SENP7: variants seen among roughly 807,000 people sequenced by gnomAD.
The protein encoded by SENP7 is SUMO specific peptidase 7.
SENP7 carries 64 observed loss-of-function variants against 141.2 expected under a neutral mutation model. The observed-to-expected ratio is 0.45, with a 90% CI of 0.37 to 0.56. SENP7 has a LOEUF of 0.56. Among genes scored for constraint, SENP7 ranks in the 20% least tolerant of loss-of-function variants. The pLI, the probability that SENP7 is intolerant of heterozygous loss-of-function variation, is 0.00. For missense variants in SENP7, 1,025 were observed against 1,212.2 expected, an observed-to-expected ratio of 0.85 and a Z score of 2.29; for synonymous variants, 382 against 426.4, an observed-to-expected ratio of 0.90 and a Z score of 1.28.
At position 101,361,723 on chromosome 3, in the gene SENP7, A is replaced by G; in HGVS notation, c.1615T>C (p.Cys539Arg). 1 of 1,568,502 alleles carries G rather than the reference A, an allele frequency of 6.4e-7. No individual in the cohort carries two copies. The highest frequency in any genetic ancestry group is 8.6e-7 in the Non-Finnish European group (1 of 1,164,944). ...AAAGAAAATATACTTACTGTAACAC[A>G]ACCTTTAGAAGCTCCTTTTATTTTA... is the stretch of plus-strand genomic sequence containing the variant. ...IGKIKGASKGCVTITKKYIKI... is the reference protein window; with the variant it reads ...IGKIKGASKGRVTITKKYIKI... Residue 539 changes from cysteine to arginine, a missense_variant, in exon 11 of 24, where the codon TGT becomes CGT. Cys to Arg is a radical substitution (Grantham distance 180, BLOSUM62 -3). This residue lies in a region of SENP7 where 228 missense variants were observed against 228.5 expected (regional missense o/e 1.00). Coordinates refer to ENST00000394095, the MANE Select transcript of SENP7 (RefSeq NM_020654.5).
chr3:101,511,769 G>A (rs989854626), intron 1 of SENP7, among the ~76,000 whole-genome samples: 2 of 152,156 alleles, frequency 1.3e-5, no homozygotes, highest in Admixed American at 1.3e-4. Context: ...GAGATGCACT[G>A]CCACAGGGCA....
At chr3:101,342,128 A>C (rs922002577) in intron 14 of SENP7, among the ~76,000 whole-genome samples, 1 of 152,214 alleles carries the variant, frequency 6.6e-6, no homozygotes, top group African/African-American at 2.4e-5. Context: ...AATTCCACTA[A>C]ATGGAAAATA....
At chr3:101,475,345 C>A (rs1168108592) in intron 3 of SENP7, among the ~76,000 whole-genome samples, 1 of 152,176 alleles carries the variant, frequency 6.6e-6, no homozygotes, top group Non-Finnish European at 1.5e-5. Context: ...AAATGTGGTA[C>A]ATGTACATCA....
intron 3 of SENP7, among the ~76,000 whole-genome samples, chr3:101,484,426 A>G (rs2064636379): frequency 6.6e-6 from 1 of 152,158 alleles, no homozygotes; most frequent in Non-Finnish European, 1.5e-5. Context: ...AGCTTGCAGA[A>G]GCTCTCATTG....
At chr3:101,386,796 AG>A (rs997457059) in intron 6 of SENP7, among the ~76,000 whole-genome samples, 5 of 152,238 alleles carry the variant, frequency 3.3e-5, no homozygotes, top group African/African-American at 1.2e-4. Context: ...AGCTCCCTCC[AG>A]GGGCAGAGCT....
At chr3:101,424,124 T>A (rs2061875622) in intron 4 of SENP7, among the ~76,000 whole-genome samples, 1 of 152,086 alleles carries the variant, frequency 6.6e-6, no homozygotes, top group East Asian at 1.9e-4. Flanking sequence ...CCATCCTTGG[T>A]CTGTGGCCAC....
chr3:101,410,324 T>A (rs2061418340), intron 5 of SENP7, among the ~76,000 whole-genome samples: 1 of 152,186 alleles, frequency 6.6e-6, no homozygotes, highest in African/African-American at 2.4e-5. Flanking sequence ...TCTACACTGC[T>A]GGTGGGAATG....
intron 6 of SENP7, among the ~76,000 whole-genome samples, chr3:101,378,603 TAAG>T (rs1292119313): frequency 1.3e-5 from 2 of 151,994 alleles, no homozygotes; most frequent in Non-Finnish European, 2.9e-5. Context: ...GGGAATATCA[TAAG>T]AAGAAAGAGG....
At chr3:101,497,448 G>A (rs2065203197) in intron 2 of SENP7, among the ~76,000 whole-genome samples, 3 of 151,984 alleles carry the variant, frequency 2.0e-5, no homozygotes, top group African/African-American at 7.3e-5. Context: ...TCCAAGCCTG[G>A]GGCAGGGAAA....
At chr3:101,433,175 T>C (rs562844316) in intron 4 of SENP7, among the ~76,000 whole-genome samples, 8 of 152,106 alleles carry the variant, frequency 5.3e-5, no homozygotes, top group East Asian at 3.9e-4. Context: ...TTTATGCAAA[T>C]AGTGTTGTTA....
At chr3:101,347,663 G>A (rs1172014597) in intron 13 of SENP7, 7 of 274,522 alleles carry the variant, frequency 2.5e-5, no homozygotes, top group Admixed American at 1.6e-4. Context: ...CAGAGCTTGC[G>A]GTGAGCAGAG....
rs1230485569 is a variant in SENP7 at position 101,372,066 on chromosome 3, TTTATTGTGC to T, written c.729_737del (p.His244_Lys246del). The stretch of plus-strand genomic sequence containing the variant: ...TGCCATCATCCTTTCTTCGTTTTTC[TTTATTGTGC>T]GCAGTCTGCTTTGCAGAATTGTCAT... On this transcript the variant is annotated inframe_deletion, in exon 7 of 24. Coordinates refer to ENST00000394095, the MANE Select transcript of SENP7 (RefSeq NM_020654.5). The T allele has an allele frequency of 6.4e-7, 1 of 1,569,858 alleles. No individual in the cohort carries two copies. Among genetic ancestry groups the T allele is most frequent in the African/African-American group, 1.3e-5 (1 of 74,464 alleles).
chr3:101,479,892 C>CAAAAAAAA (rs1168285268), intron 3 of SENP7, among the ~76,000 whole-genome samples: 2 of 7,346 alleles, frequency 2.7e-4, no homozygotes, highest in African/African-American at 6.1e-4. Flanking sequence ...ACAACAGCTA[C>CAAAAAAAA]AAAAAAAAAA....
intron 9 of SENP7, 126 bp downstream of exon 9, chr3:101,366,304 T>A (rs2060036183): frequency 1.7e-6 from 1 of 586,164 alleles, no homozygotes; most frequent in East Asian, 3.1e-5. Context: ...TTTCCTAAAG[T>A]TAATATATTC....
At chr3:101,414,259 T>G in intron 5 of SENP7, 1 of 673,396 alleles carries the variant, frequency 1.5e-6, no homozygotes, top group Non-Finnish European at 2.7e-6. Context: ...AGTGGTAGAA[T>G]CGATGGTGAA....
chr3:101,351,704 T>C (rs2059618357), intron 11 of SENP7, 53 bp from the exon 12 acceptor site: 1 of 1,252,102 alleles, frequency 8.0e-7, no homozygotes, highest in Admixed American at 3.4e-5. Context: ...AATGTGTTAC[T>C]ATTCAAATTT....
intron 3 of SENP7, among the ~76,000 whole-genome samples, chr3:101,463,499 C>G (rs561133570): frequency 6.7e-6 from 1 of 149,860 alleles, no homozygotes; most frequent in African/African-American, 2.4e-5. Context: ...GAATAATCTT[C>G]TCTGCTTCTC....
intron 4 of SENP7, among the ~76,000 whole-genome samples, chr3:101,446,899 GA>G (rs2062918294): frequency 1.3e-5 from 2 of 151,966 alleles, no homozygotes; most frequent in Non-Finnish European, 2.9e-5. Context: ...TAGGAGGAAA[GA>G]AATGGTAAAG....
At position 101,477,476 on chromosome 3, in the gene SENP7, C is replaced by G. The variant is rs1037018584; in HGVS notation, c.186+16397G>C. On this transcript the variant is annotated intron_variant, in intron 3 of 23. Transcript: ENST00000394095. ...AATTTATAGCAATAAATACGTATGA[C>G]AAAAAAGTATAAAGATTTTAAGTAA... Among the ~76,000 whole-genome samples the G allele has an allele frequency of 2.7e-5, 4 of 146,106 alleles. 1 individual carries two copies. In the South Asian group the frequency reaches 8.9e-4, roughly 32 times the overall value.
Sources: allele counts gnomAD v4.1 joint callset (sites outside exome capture counted in the v4.1 genomes callset), GRCh38; gene constraint gnomAD v4.1.1; regional missense constraint gnomAD v4.1.1; transcripts MANE v1.5; gene names NCBI Gene and HGNC (gene_info 2026-07-23, HGNC 2026-07-21).